The following LMO3 variants were observed in gnomAD, a reference collection of about 807,000 sequenced individuals.
The protein encoded by LMO3 is LIM domain only protein 3.
In LMO3, 2 loss-of-function variants were observed where a neutral mutation model predicts 15.8. That is an observed-to-expected ratio of 0.13 (90% CI 0.05 to 0.40). The LOEUF (loss-of-function observed/expected upper bound fraction) is 0.40. LMO3 is among the 10% of genes least tolerant of loss of function. The pLI is 0.99. For synonymous variants in LMO3, 62 were observed against 63.8 expected, an observed-to-expected ratio of 0.97 and a Z score of 0.13; for missense variants, 86 against 182.2, an observed-to-expected ratio of 0.47 and a Z score of 3.04.
chr12:16,581,220 T>C (rs2137537251), intron 2 of LMO3, among the ~76,000 whole-genome samples: 1 of 152,298 alleles, frequency 6.6e-6, no homozygotes, highest in East Asian at 1.9e-4. Context: ...CCTCAGTCAC[T>C]AAACACTAGA....
Position 16,589,512 on chromosome 12 carries a change from A to T in LMO3, c.206+11143T>A. 1 of 152,254 alleles carries T rather than the reference A, an allele frequency of 6.6e-6. No individual in the cohort carries two copies. The highest frequency in any genetic ancestry group is 3.4e-3 in the Middle Eastern group (1 of 294). 9.4% of individuals were successfully genotyped at this position (152,254 alleles called of 1,614,324 possible). A position where few individuals can be genotyped will look rare whatever the true frequency, so the allele number is the denominator to read the frequency against. On this transcript the variant is annotated intron_variant, in intron 2 of 3. Transcript: ENST00000537304. This position sits in a 1 kb window ranked among gnomAD's most constrained non-coding sequence, Gnocchi z 4.2. The stretch of plus-strand genomic sequence containing the variant: ...AAATTAATTTAAAATCTCCTGAAAA[A>T]TTATGTCTTTTTTAGGTTGCTGCAG...
Position 16,591,065 on chromosome 12 carries a change from A to G in LMO3, c.206+9590T>C, listed in dbSNP as rs1177029779. 6.6e-6 allele frequency among the ~76,000 whole-genome samples: 1 copy of G among 152,066 alleles called. No homozygotes were observed. Among genetic ancestry groups the G allele is most frequent in the Non-Finnish European group, 1.5e-5 (1 of 67,964 alleles). On this transcript the variant is annotated intron_variant, in intron 2 of 3. Transcript: ENST00000537304. The surrounding 1 kb of genome is among the most constrained non-coding windows in gnomAD (Gnocchi z 4.1). ...TGAATAAGCTTTACAATGGTTTTCAAATTGAAGTATTATCACTTTTCTAGG... is the reference window on the plus strand; with the variant it reads ...TGAATAAGCTTTACAATGGTTTTCAGATTGAAGTATTATCACTTTTCTAGG...
Position 16,587,727 on chromosome 12 carries a change from A to G in LMO3, c.206+12928T>C, listed in dbSNP as rs536937496. ...CAGGAGACAAACAATGATATGTATT[A>G]CATGCAGTAAACACTGCCTTTGGTA... On this transcript the variant is annotated intron_variant, in intron 2 of 3. Coordinates refer to ENST00000537304, the MANE Select transcript of LMO3 (RefSeq NM_018640.5). This position sits in a 1 kb window ranked among gnomAD's most constrained non-coding sequence, Gnocchi z 4.3. 1.6e-4 allele frequency among the ~76,000 whole-genome samples: 25 copies of G among 151,856 alleles called. 1 individual carries two copies. The South Asian group carries it at 5.2e-3, about 31-fold the overall frequency.
In LMO3 at chr12:16,560,631, A is replaced by G. The variant is rs1942368357; in HGVS notation, c.207-93T>C. On this transcript the variant is annotated intron_variant, in intron 2 of 3. Transcript: ENST00000537304. The surrounding 1 kb of genome is among the most constrained non-coding windows in gnomAD (Gnocchi z 5.0). The stretch of plus-strand genomic sequence containing the variant: ...TGATGTTAATATACTCTGTAAAGCT[A>G]CAATACACAATGCTTTATGATGTAC... 2.8e-6 allele frequency: 3 copies of G among 1,083,738 alleles called. No individual in the cohort carries two copies. Among genetic ancestry groups the G allele is most frequent in the Admixed American group, 2.2e-5 (1 of 46,398 alleles). 67.1% of individuals were successfully genotyped at this position (1,083,738 alleles called of 1,614,324 possible).
upstream of LMO3, chr12:16,607,989 C>T (rs754844183): frequency 8.5e-5 from 13 of 152,116 alleles, no homozygotes; most frequent in Non-Finnish European, 1.8e-4. Flanking sequence ...CCTTAGTTGA[C>T]TTGTTCTGTA....
chr12:16,592,050 C>T (rs780238337), intron 2 of LMO3, among the ~76,000 whole-genome samples: 21 of 151,860 alleles, frequency 1.4e-4, no homozygotes, highest in Non-Finnish European at 2.9e-4. Flanking sequence ...AAGTTCTTTC[C>T]AATTTTCCCA....
intron 2 of LMO3, among the ~76,000 whole-genome samples, chr12:16,581,285 C>T (rs1322955730): frequency 2.0e-5 from 3 of 152,140 alleles, no homozygotes; most frequent in Non-Finnish European, 4.4e-5. Context: ...GATTTGAATC[C>T]TAGCTCCATC....
chr12:16,578,995 T>G (rs912574190), intron 2 of LMO3, among the ~76,000 whole-genome samples: 23 of 152,208 alleles, frequency 1.5e-4, no homozygotes, highest in Non-Finnish European at 2.9e-4. Context: ...TAAGGTCTAG[T>G]ATATTACATT....
chr12:16,578,304 C>T (rs1358003394), intron 2 of LMO3, among the ~76,000 whole-genome samples: 1 of 152,022 alleles, frequency 6.6e-6, no homozygotes, highest in Non-Finnish European at 1.5e-5. Flanking sequence ...AGTTTGAGAA[C>T]AATTGTATTT....
chr12:16,594,527 C>A (rs1180264078), intron 2 of LMO3, among the ~76,000 whole-genome samples: 1 of 151,442 alleles, frequency 6.6e-6, no homozygotes, highest in Admixed American at 6.6e-5. Context: ...GAAACATTGG[C>A]TAATTTTTTC....
At chr12:16,577,327 C>T (rs1448204481) in intron 2 of LMO3, among the ~76,000 whole-genome samples, 1 of 152,152 alleles carries the variant, frequency 6.6e-6, no homozygotes, top group African/African-American at 2.4e-5. Context: ...CTAGGACCAT[C>T]TCTTATCACA....
rs1943685707 is a variant in LMO3 at position 16,597,194 on chromosome 12, C to A, written c.206+3461G>T. 6.6e-6 allele frequency among the ~76,000 whole-genome samples: 1 copy of A among 151,622 alleles called. No homozygotes were observed. The highest frequency in any genetic ancestry group is 1.5e-5 in the Non-Finnish European group (1 of 67,664). ...CAGTTCTGGAAAGTGAAAAATTCCA[C>A]TGTTAAGATTTGATACTTAGTGTAC... is the stretch of plus-strand genomic sequence containing the variant. On this transcript the variant is annotated intron_variant, in intron 2 of 3. Transcript: ENST00000537304. This position sits in a 1 kb window ranked among gnomAD's most constrained non-coding sequence, Gnocchi z 5.0.
chr12:16,556,941 G>GTACTT (rs1372007811), intron 3 of LMO3, among the ~76,000 whole-genome samples: 4 of 152,098 alleles, frequency 2.6e-5, no homozygotes, highest in Non-Finnish European at 5.9e-5. Context: ...AATATATTAG[G>GTACTT]TACTTTAATA....
chr12:16,565,169 T>G (rs113183642), intron 2 of LMO3, among the ~76,000 whole-genome samples: 2 of 152,154 alleles, frequency 1.3e-5, no homozygotes, highest in Non-Finnish European at 1.5e-5. Context: ...TAACTACAGA[T>G]GAACAGAGAA....
rs139517677 is a variant in LMO3, at chr12:16,605,065, G to C, written c.-9+1001C>G. 8.6e-4 allele frequency: 1,272 copies of C among 1,484,164 alleles called. 10 individuals carry two copies. The African/African-American group carries it at 0.015, about 18-fold the overall frequency. 91.9% of individuals were successfully genotyped at this position (1,484,164 alleles called of 1,614,324 possible). ...TGGGAGCGGGTCGGAGTGGCGGCAG[G>C]GGGTGGGGGAAGGGATGAGGACGGC... On this transcript the variant is annotated intron_variant, in intron 1 of 3. Transcript: ENST00000537304.
chr12:16,556,611 T>C (rs1048531171), intron 3 of LMO3, among the ~76,000 whole-genome samples: 1 of 152,230 alleles, frequency 6.6e-6, no homozygotes, highest in Non-Finnish European at 1.5e-5. Flanking sequence ...GCCTATGAAT[T>C]ACCTATTTGC....
intron 2 of LMO3, among the ~76,000 whole-genome samples, chr12:16,572,194 G>A (rs1942835400): frequency 1.3e-5 from 2 of 151,886 alleles, no homozygotes; most frequent in Middle Eastern, 3.4e-3. Context: ...CCAGTATTAA[G>A]AAGGAGAAAT....
intron 3 of LMO3, among the ~76,000 whole-genome samples, chr12:16,557,996 T>C (rs753318574): frequency 2.0e-5 from 3 of 152,200 alleles, no homozygotes; most frequent in Admixed American, 6.5e-5. Context: ...ATACAACTTA[T>C]ATATCTGATG....
At chr12:16,588,002 T>C (rs1009121535) in intron 2 of LMO3, among the ~76,000 whole-genome samples, 2 of 152,158 alleles carry the variant, frequency 1.3e-5, no homozygotes, top group African/African-American at 4.8e-5. Context: ...TACCCTGTCT[T>C]TCTCTTACGA....
Sources: gnomAD v4.1 joint callset for allele counts (sites outside exome capture counted in the v4.1 genomes callset) on GRCh38, gnomAD v4.1.1 for gene constraint, Gnocchi (gnomAD v3.1) non-coding constraint, MANE v1.5 for transcripts, NCBI Gene and HGNC (gene_info 2026-07-23, HGNC 2026-07-21) for gene names.